Variants in SH2B3 observed in about 807,000 individuals in gnomAD.
SH2B3 encodes the protein SH2B adapter protein 3.
SH2B3 carries 43 observed loss-of-function variants against 51.9 expected under a neutral mutation model. The ratio of observed to expected loss-of-function variants is 0.83; its 90% confidence interval spans 0.65 to 1.07. The LOEUF is 1.07. Ranked by LOEUF, SH2B3 falls within the 50% of genes least tolerant of loss-of-function variation. The pLI is 0.00. For synonymous variants in SH2B3, 396 were observed against 376.0 expected (o/e 1.05, Z -0.62); for missense variants, 952 against 834.3 (o/e 1.14, Z -1.74).
Position 111,447,384 on chromosome 12 carries a change from T to G in SH2B3, c.1076T>G (p.Leu359Arg). ...DPACQKTDHF[L>R]SCYPWFHGPI... is the part of the protein sequence containing the mutation. ...GCCTGCCAGAAGACGGACCATTTCC[T>G]GTCCTGCTACCCCTGGTTCCACGGC... is the stretch of plus-strand genomic sequence containing the variant. Residue 359 changes from leucine (L) to arginine (R), a missense_variant, in exon 6 of 8, where the codon CTG (leucine) becomes CGG (arginine). Coordinates refer to ENST00000341259, the MANE Select transcript of SH2B3 (RefSeq NM_005475.3). The G allele has an allele frequency of 6.2e-7, 1 of 1,614,120 alleles. No individual in the cohort carries two copies. Among genetic ancestry groups the G allele is most frequent in the Non-Finnish European group, 8.5e-7 (1 of 1,180,000 alleles).
chr12:111,437,207 G>C (rs987597980), intron 2 of SH2B3, among the ~76,000 whole-genome samples: 3 of 152,194 alleles, frequency 2.0e-5, no homozygotes, highest in African/African-American at 7.2e-5. Context: ...GGATGGATGA[G>C]CACTTGGGTA....
Position 111,429,036 on chromosome 12 carries a change from G to A in SH2B3, c.732+10159G>A, listed in dbSNP as rs1016852581. On this transcript the variant is annotated intron_variant, in intron 2 of 7. Transcript: ENST00000341259. This position sits in a 1 kb window ranked among gnomAD's most constrained non-coding sequence, Gnocchi z 4.4. ...AGTGCGAGGAGGAGGAGGAGGAGGA[G>A]GAGGAGGAGGAAGAGGAGGAGGAGG... is the stretch of plus-strand genomic sequence containing the variant. Among the ~76,000 whole-genome samples the A allele has an allele frequency of 1.1e-4, 17 of 148,326 alleles. No individual in the cohort carries two copies. Among genetic ancestry groups the A allele is most frequent in the African/African-American group, 2.7e-4 (11 of 41,192 alleles).
At chr12:111,444,700 A>G (rs2135604212) in intron 2 of SH2B3, 2 of 984,144 alleles carry the variant, frequency 2.0e-6, no homozygotes, top group South Asian at 9.4e-5. Context: ...CCCCCCATAT[A>G]GCTTAATCTG....
intron 1 of SH2B3, among the ~76,000 whole-genome samples, chr12:111,411,467 G>A (rs12580300): frequency 0.2 from 30,663 of 152,048 alleles, 3,208 homozygotes; most frequent in East Asian, 0.33. Context: ...TCAGCCTCCC[G>A]AATTATACTA....
At chr12:111,440,031 G>T (rs563284840) in intron 2 of SH2B3, among the ~76,000 whole-genome samples, 10 of 152,304 alleles carry the variant, frequency 6.6e-5, no homozygotes, top group African/African-American at 2.2e-4. Context: ...GGAAGATGGG[G>T]GACAGAGGCC....
chr12:111,432,672 C>T (rs1473705147), intron 2 of SH2B3, among the ~76,000 whole-genome samples: 1 of 152,190 alleles, frequency 6.6e-6, no homozygotes. Flanking sequence ...ACTCCCCATA[C>T]CTCCCTCCCC....
chr12:111,425,253 G>A (rs1392256022), intron 2 of SH2B3, among the ~76,000 whole-genome samples: 14 of 152,158 alleles, frequency 9.2e-5, no homozygotes, highest in Non-Finnish European at 1.5e-4. Flanking sequence ...TCTGCCAGGG[G>A]TGGGGGTGTG....
chr12:111,447,605 G>T, intron 6 of SH2B3, 51 bp from the exon 7 acceptor site: 3 of 1,611,166 alleles, frequency 1.9e-6, no homozygotes, highest in Non-Finnish European at 2.5e-6. Context: ...CTCCACTGGA[G>T]TTCAGGGTCC....
chr12:111,448,008 T>A lies in SH2B3; in HGVS notation c.1434T>A (p.Pro478=), dbSNP rs759413845. 1.2e-6 allele frequency: 2 copies of A among 1,612,394 alleles called. No individual in the cohort carries two copies. The highest frequency in any genetic ancestry group is 1.7e-6 in the Non-Finnish European group (2 of 1,178,998). Residue 478 remains proline (P), a synonymous_variant, in exon 8 of 8, where the codon CCT becomes CCA. Transcript: ENST00000341259. ...PPGSCNTVLF[P]FSLPHWDSES... is the part of the protein sequence containing the mutation. ...GTTCCTGCAACACGGTCCTCTTCCC[T>A]TTCTCCCTTCCTCACTGGGATTCAG... is the stretch of plus-strand genomic sequence containing the variant.
At chr12:111,447,283 A>G (rs1447148146) in intron 5 of SH2B3, 47 bp from the exon 6 acceptor site, 21 of 1,589,794 alleles carry the variant, frequency 1.3e-5, no homozygotes, top group Non-Finnish European at 1.6e-5. Context: ...TCAGCCCAGG[A>G]CATAAGGTAG....
At chr12:111,439,253 G>A (rs530957891) in intron 2 of SH2B3, among the ~76,000 whole-genome samples, 1 of 151,902 alleles carries the variant, frequency 6.6e-6, no homozygotes, top group South Asian at 2.1e-4. Context: ...GGGTTCAAGC[G>A]ATTCTCCTGC....
At chr12:111,444,818 A>T in intron 2 of SH2B3, 6 of 985,598 alleles carry the variant, frequency 6.1e-6, no homozygotes, top group Non-Finnish European at 7.2e-6. Flanking sequence ...ACACGCTGCA[A>T]CCTGGCTGGA....
At position 111,407,431 on chromosome 12, in the gene SH2B3, A is replaced by C. The variant is rs1230643312; in HGVS notation, c.-28+1154A>C. 1.3e-5 allele frequency among the ~76,000 whole-genome samples: 2 copies of C among 152,224 alleles called. No homozygotes were observed. The highest frequency in any genetic ancestry group is 4.1e-4 in the South Asian group (2 of 4,832). ...GCAGCCAGGCCTCAGGGCCCCTGCC[A>C]GGGCAGTGGGCCTGTGGGTCTCCAG... On this transcript the variant is annotated intron_variant, in intron 1 of 7. Transcript: ENST00000341259. This position sits in a 1 kb window ranked among gnomAD's most constrained non-coding sequence, Gnocchi z 4.3.
chr12:111,425,907 G>A (rs1444529253), intron 2 of SH2B3, among the ~76,000 whole-genome samples: 1 of 152,180 alleles, frequency 6.6e-6, no homozygotes, highest in African/African-American at 2.4e-5. Flanking sequence ...GCTCACGACC[G>A]ACACTCTTGC....
Position 111,438,410 on chromosome 12 carries a change from G to GC in SH2B3, c.733-8342dup, listed in dbSNP as rs1253365153. ...TTCAGCCTGCCCTCTTCCCTGGCCA[G>GC]CTGGAGGGGCCTTGGGAGGCCCACC... is the stretch of plus-strand genomic sequence containing the variant. On this transcript the variant is annotated intron_variant, in intron 2 of 7. Transcript: ENST00000341259. The surrounding 1 kb of genome is among the most constrained non-coding windows in gnomAD (Gnocchi z 4.2). Among the ~76,000 whole-genome samples the GC allele has an allele frequency of 6.6e-6, 1 of 152,162 alleles. No homozygotes were observed. The highest frequency in any genetic ancestry group is 2.4e-5 in the African/African-American group (1 of 41,432).
rs1373208080 is a variant in SH2B3, at chr12:111,429,283, G to T, written c.732+10406G>T. On this transcript the variant is annotated intron_variant, in intron 2 of 7. Transcript: ENST00000341259. This position sits in a 1 kb window ranked among gnomAD's most constrained non-coding sequence, Gnocchi z 4.4. ...CCCAACACAGCCAGTGTTCGCTGGG[G>T]CCTGCAAGGCTTTGCTGCTGCAGGC... Among the ~76,000 whole-genome samples the T allele has an allele frequency of 6.6e-6, 1 of 152,198 alleles. No individual in the cohort carries two copies. Among genetic ancestry groups the T allele is most frequent in the Non-Finnish European group, 1.5e-5 (1 of 68,024 alleles).
chr12:111,416,408 A>C (rs1355692566), intron 1 of SH2B3, among the ~76,000 whole-genome samples: 1 of 152,114 alleles, frequency 6.6e-6, no homozygotes, highest in East Asian at 1.9e-4. Flanking sequence ...TTCCCCTCTT[A>C]CAGATGGAGA....
rs1470854656 is a variant in SH2B3, at chr12:111,410,398, C to A, written c.-28+4121C>A. ...GGGGAGGAGGTTCACCCACAGGCTG[C>A]CCTCCTAGGGTCTCCCCTGTCTGCC... On this transcript the variant is annotated intron_variant, in intron 1 of 7. Coordinates refer to ENST00000341259, the MANE Select transcript of SH2B3 (RefSeq NM_005475.3). The surrounding 1 kb of genome is among the most constrained non-coding windows in gnomAD (Gnocchi z 4.9). Among the ~76,000 whole-genome samples, 4 of 152,072 alleles carry A rather than the reference C, an allele frequency of 2.6e-5. No individual in the cohort carries two copies. The highest frequency in any genetic ancestry group is 5.9e-5 in the Non-Finnish European group (4 of 67,948).
chr12:111,430,179 G>A (rs1830176285), intron 2 of SH2B3, among the ~76,000 whole-genome samples: 1 of 152,246 alleles, frequency 6.6e-6, no homozygotes, highest in African/African-American at 2.4e-5. Flanking sequence ...CCTTCTGGGA[G>A]TGATGGGGAA....
Sources: gnomAD v4.1 joint callset for allele counts (sites outside exome capture counted in the v4.1 genomes callset) on GRCh38, gnomAD v4.1.1 for gene constraint, Gnocchi (gnomAD v3.1) non-coding constraint, MANE v1.5 for transcripts, NCBI Gene and HGNC (gene_info 2026-07-23, HGNC 2026-07-21) for gene names.